Variants in TMEM179 observed in about 807,000 individuals in gnomAD.
The protein encoded by TMEM179 is transmembrane protein 179A.
Under a neutral mutation model 22.2 loss-of-function variants are expected in TMEM179, and 17 were observed. The observed-to-expected ratio is 0.77, with a 90% confidence interval of 0.52 to 1.15. The LOEUF (loss-of-function observed/expected upper bound fraction) is 1.15. Among genes scored for constraint, TMEM179 ranks in the 50% most tolerant of loss-of-function variants. The pLI, the probability that TMEM179 is intolerant of heterozygous loss-of-function variation, is 0.00. For missense variants in TMEM179, 265 were observed against 313.6 expected (o/e 0.84, Z 1.17); for synonymous variants, 127 against 140.5 (o/e 0.90, Z 0.68).
rs968980686 is a variant in TMEM179 at position 104,592,836 on chromosome 14, C to G, written c.*643G>C. ...CCCGATTCTGTGGAGCCCAGATTAC[C>G]ACTTCCCTGACCCTCAGCCAAGCAC... On this transcript the variant is annotated 3_prime_UTR_variant, in exon 4 of 4. Transcript: ENST00000556573. Among the ~76,000 whole-genome samples, 12 of 152,190 alleles carry G rather than the reference C, an allele frequency of 7.9e-5. No homozygotes were observed. Among genetic ancestry groups the G allele is most frequent in the Admixed American group, 6.5e-4 (10 of 15,282 alleles).
At chr14:104,593,890 C>CCACTCTGGTG (rs1197465611) in intron 3 of TMEM179, among the ~76,000 whole-genome samples, 2 of 152,248 alleles carry the variant, frequency 1.3e-5, no homozygotes, top group Middle Eastern at 3.2e-3. Context: ...CTCCCGGAAC[C>CCACTCTGGTG]CACTCTGGTG....
chr14:104,599,754 C>T (rs1430767103), intron 1 of TMEM179, among the ~76,000 whole-genome samples: 3 of 152,182 alleles, frequency 2.0e-5, no homozygotes, highest in Non-Finnish European at 2.9e-5. Context: ...CCATGGTCCA[C>T]ACCTTTCAGC....
chr14:104,602,818 A>G (rs1020163981), intron 1 of TMEM179, among the ~76,000 whole-genome samples: 1 of 152,168 alleles, frequency 6.6e-6, no homozygotes, highest in African/African-American at 2.4e-5. Flanking sequence ...ACTGACCCCC[A>G]TCCAGAACCT....
At chr14:104,596,867 G>C in intron 2 of TMEM179, 123 bp downstream of exon 2, 1 of 1,312,564 alleles carries the variant, frequency 7.6e-7, no homozygotes, top group Non-Finnish European at 1.0e-6. Context: ...ACAGTGCACA[G>C]TGGGACCAGG....
rs556628015 is a variant in TMEM179, at chr14:104,592,778, G to A, written c.*701C>T. Among the ~76,000 whole-genome samples, 5 of 152,264 alleles carry A rather than the reference G, an allele frequency of 3.3e-5. No homozygotes were observed. Among genetic ancestry groups the A allele is most frequent in the African/African-American group, 4.8e-5 (2 of 41,554 alleles). On this transcript the variant is annotated 3_prime_UTR_variant, in exon 4 of 4. Coordinates refer to ENST00000556573, the MANE Select transcript of TMEM179 (RefSeq NM_001286389.2). ...CCTGGCCCAGTCCTCTATGTGGTAC[G>A]TGTGCCCCCGAAATCCCCAACCAGA...
chr14:104,601,367 C>T (rs1887232602), intron 1 of TMEM179, among the ~76,000 whole-genome samples: 1 of 152,186 alleles, frequency 6.6e-6, no homozygotes, highest in Non-Finnish European at 1.5e-5. Flanking sequence ...CTGGGGACTC[C>T]TACGCACCAT....
chr14:104,594,238 T>G (rs1028075095), intron 3 of TMEM179: 2 of 1,231,706 alleles, frequency 1.6e-6, no homozygotes, highest in Non-Finnish European at 2.0e-6. Context: ...TAAATTTGCA[T>G]GAAGGTGTCT....
At chr14:104,600,490 C>G (rs967558067) in intron 1 of TMEM179, among the ~76,000 whole-genome samples, 1 of 152,240 alleles carries the variant, frequency 6.6e-6, no homozygotes, top group African/African-American at 2.4e-5. Flanking sequence ...TCCCTCAGCA[C>G]AGCTGCCCCA....
At chr14:104,593,992 C>T (rs1886929519) in intron 3 of TMEM179, 2 of 1,181,478 alleles carry the variant, frequency 1.7e-6, no homozygotes, top group South Asian at 8.6e-5. Context: ...CTTTCTCCTC[C>T]AGCAGCTCCG....
At chr14:104,599,949 C>G (rs1213000998) in intron 1 of TMEM179, among the ~76,000 whole-genome samples, 1 of 152,046 alleles carries the variant, frequency 6.6e-6, no homozygotes. Flanking sequence ...CTCCAACAGA[C>G]AGAAAAGCCA....
rs1245599338 is a variant in TMEM179 at position 104,593,370 on chromosome 14, T to A, written c.*109A>T. The A allele has an allele frequency of 7.3e-7, 1 of 1,362,256 alleles. No homozygotes were observed. The allele number at this position is 1,362,256 out of a possible 1,614,324, so 84.4% of individuals were successfully genotyped here. On this transcript the variant is annotated 3_prime_UTR_variant, in exon 4 of 4. Transcript: ENST00000556573. ...GGCGTCGAGGGGACACACGCAGGGC[T>A]GCATGTGGCCAGGGCCCAGGCAGAG...
chr14:104,591,379 C>A lies in TMEM179; in HGVS notation c.*2100G>T, dbSNP rs182942504. ...GCAGAGGGTGAGGCAGGAGCCACCC[C>A]ACCTTCTGCTGGGGACACAGACAAG... On this transcript the variant is annotated 3_prime_UTR_variant, in exon 4 of 4. Coordinates refer to ENST00000556573, the MANE Select transcript of TMEM179 (RefSeq NM_001286389.2). 1.3e-4 allele frequency: 59 copies of A among 456,056 alleles called. No individual in the cohort carries two copies. Among genetic ancestry groups the A allele is most frequent in the African/African-American group, 1.0e-3 (51 of 50,194 alleles). 28.3% of individuals were successfully genotyped at this position (456,056 alleles called of 1,614,324 possible).
Position 104,595,060 on chromosome 14 carries a change from G to A in TMEM179, c.522+105C>T, listed in dbSNP as rs1217811934. The A allele has an allele frequency of 1.3e-6, 2 of 1,580,442 alleles. No homozygotes were observed. Among genetic ancestry groups the A allele is most frequent in the Admixed American group, 1.7e-5 (1 of 57,186 alleles). ...CATTGCTAACTACCTTATCCACACAGGAGCCTGCCTCCTCCTCTGGATGGG... is the reference window on the plus strand; with the variant it reads ...CATTGCTAACTACCTTATCCACACAAGAGCCTGCCTCCTCCTCTGGATGGG... On this transcript the variant is annotated intron_variant, in intron 3 of 3. Transcript: ENST00000556573. The surrounding 1 kb of genome is among the most constrained non-coding windows in gnomAD (Gnocchi z 5.7).
In TMEM179 at chr14:104,595,347, T is replaced by G; in HGVS notation, c.444-104A>C. 4 of 1,132,360 alleles carry G rather than the reference T, an allele frequency of 3.5e-6. No homozygotes were observed. The highest frequency in any genetic ancestry group is 5.1e-6 in the Non-Finnish European group (4 of 789,196). 70.1% of individuals were successfully genotyped at this position (1,132,360 alleles called of 1,614,324 possible). On this transcript the variant is annotated intron_variant, in intron 2 of 3. Coordinates refer to ENST00000556573, the MANE Select transcript of TMEM179 (RefSeq NM_001286389.2). The surrounding 1 kb of genome is among the most constrained non-coding windows in gnomAD (Gnocchi z 5.7). ...GCCAGGAGCTTTGCCCTACAATTGT[T>G]GGGCGAGGGGGTGGGCAGCAGGGAG...
At chr14:104,596,553 G>A (rs1313910501) in intron 2 of TMEM179, among the ~76,000 whole-genome samples, 1 of 152,172 alleles carries the variant, frequency 6.6e-6, no homozygotes, top group Non-Finnish European at 1.5e-5. Flanking sequence ...TGAGCCTAAT[G>A]CTCCCTGGGC....
chr14:104,604,582 C>A lies in TMEM179; in HGVS notation c.160G>T (p.Val54Leu). ...EGMWLSANLT[V>L]QERERFTVQE... ...ACCGTGAAGCGCTCGCGCTCCTGCACCGTGAGGTTGGCGCTCAGCCACATG... is the reference window on the plus strand; with the variant it reads ...ACCGTGAAGCGCTCGCGCTCCTGCAACGTGAGGTTGGCGCTCAGCCACATG... Residue 54 changes from valine to leucine, a missense_variant, in exon 1 of 4, where the codon GTG becomes TTG. Transcript: ENST00000556573. The surrounding 1 kb of genome is among the most constrained non-coding windows in gnomAD (Gnocchi z 4.6). 1 of 1,545,124 alleles carries A rather than the reference C, an allele frequency of 6.5e-7. No homozygotes were observed. The highest frequency in any genetic ancestry group is 8.7e-7 in the Non-Finnish European group (1 of 1,149,198).
chr14:104,594,860 G>T, intron 3 of TMEM179: 1 of 1,313,992 alleles, frequency 7.6e-7, no homozygotes, highest in Non-Finnish European at 9.7e-7. Context: ...GCCTGGTTTC[G>T]TTTCTGGCAC....
At position 104,598,232 on chromosome 14, in the gene TMEM179, G is replaced by A. The variant is rs138785466; in HGVS notation, c.306-1105C>T. Among the ~76,000 whole-genome samples, 552 of 152,300 alleles carry A rather than the reference G, an allele frequency of 3.6e-3. 4 individuals carry two copies. Among genetic ancestry groups the A allele is most frequent in the African/African-American group, 0.012 (518 of 41,572 alleles). ...TCCGGGGGGTAGGGAGAGGGGGTAGGGATAGGGACTGTCCCTCCAGTGGGA... is the reference window on the plus strand; with the variant it reads ...TCCGGGGGGTAGGGAGAGGGGGTAGAGATAGGGACTGTCCCTCCAGTGGGA... On this transcript the variant is annotated intron_variant, in intron 1 of 3. Transcript: ENST00000556573.
In TMEM179 at chr14:104,590,998, G is replaced by A. The variant is rs538834615; in HGVS notation, c.*2481C>T. 2 of 202,194 alleles carry A rather than the reference G, an allele frequency of 9.9e-6. No homozygotes were observed. The highest frequency in any genetic ancestry group is 2.0e-5 in the Non-Finnish European group (2 of 97,980). 12.5% of individuals were successfully genotyped at this position (202,194 alleles called of 1,614,324 possible). ...ACCAGCCTCAGGAACCCCGGGTCATGCCTGCACTTCCCACCTTCCTGCCTG... is the reference window on the plus strand; with the variant it reads ...ACCAGCCTCAGGAACCCCGGGTCATACCTGCACTTCCCACCTTCCTGCCTG... On this transcript the variant is annotated 3_prime_UTR_variant, in exon 4 of 4. Transcript: ENST00000556573.
Sources: allele counts gnomAD v4.1 joint callset (sites outside exome capture counted in the v4.1 genomes callset), GRCh38; gene constraint gnomAD v4.1.1; non-coding constraint Gnocchi (gnomAD v3.1); transcripts MANE v1.5; gene names NCBI Gene and HGNC (gene_info 2026-07-23, HGNC 2026-07-21).